Variants in ASCC1 observed in about 807,000 individuals in gnomAD.
ASCC1 encodes activating signal cointegrator 1 complex subunit 1, also known as ASC-1 complex subunit P50.
A neutral mutation model predicts 46.6 loss-of-function variants in ASCC1; 35 were observed. The ratio of observed to expected loss-of-function variants is 0.75; its 90% CI spans 0.57 to 0.99. ASCC1 has a LOEUF of 0.99. Among genes scored for constraint, ASCC1 ranks in the 50% least tolerant of loss-of-function variants. The pLI is 0.00. For synonymous variants in ASCC1, 143 were observed against 146.6 expected (o/e 0.98, Z 0.18); for missense variants, 376 against 428.7 (o/e 0.88, Z 1.09).
At position 72,116,866 on chromosome 10, in the gene ASCC1, G is replaced by A. The variant is rs148085950; in HGVS notation, c.957+11216C>T. Among the ~76,000 whole-genome samples, 9 of 152,308 alleles carry A rather than the reference G, an allele frequency of 5.9e-5. No individual in the cohort carries two copies. The East Asian group carries it at 1.7e-3, about 29-fold the overall frequency. ...CCTAGCACTTGGGAGGCCAAGACAG[G>A]AGGATCACTTAAGCTCAGAAGTTCA... On this transcript the variant is annotated intron_variant, in intron 9 of 9. Transcript: ENST00000672957.
chr10:72,098,312 G>C (rs1230488742), intron 9 of ASCC1, among the ~76,000 whole-genome samples: 2 of 152,222 alleles, frequency 1.3e-5, no homozygotes, highest in Admixed American at 1.3e-4. Flanking sequence ...TCCTCTGTTA[G>C]GATGTAGGAA....
intron 6 of ASCC1, among the ~76,000 whole-genome samples, chr10:72,160,028 C>CT (rs1425126177): frequency 2.0e-5 from 3 of 151,910 alleles, no homozygotes; most frequent in Non-Finnish European, 4.4e-5. Context: ...CCTCAGCCTC[C>CT]TGAGTAGCTG....
intron 7 of ASCC1, among the ~76,000 whole-genome samples, chr10:72,147,106 A>G (rs973342763): frequency 6.6e-6 from 1 of 150,774 alleles, no homozygotes; most frequent in Admixed American, 6.7e-5. Flanking sequence ...AGGGGAATTT[A>G]CAAATCTTTT....
At chr10:72,111,084 TC>T (rs1405911643) in intron 9 of ASCC1, among the ~76,000 whole-genome samples, 1 of 152,136 alleles carries the variant, frequency 6.6e-6, no homozygotes, top group African/African-American at 2.4e-5. Flanking sequence ...TGGCCCTCCT[TC>T]CCCTCTGCAA....
intron 5 of ASCC1, among the ~76,000 whole-genome samples, chr10:72,168,206 T>TAAATA (rs1053894407): frequency 4.6e-5 from 7 of 151,518 alleles, no homozygotes; most frequent in African/African-American, 1.7e-4. Context: ...AATAAATAAA[T>TAAATA]AAATAAAATA....
chr10:72,120,053 A>G (rs943056976), intron 9 of ASCC1, among the ~76,000 whole-genome samples: 1 of 152,168 alleles, frequency 6.6e-6, no homozygotes, highest in Non-Finnish European at 1.5e-5. Flanking sequence ...CCTGGCCAAC[A>G]TGGTGAAATC....
chr10:72,146,484 G>C (rs757751476), intron 7 of ASCC1, among the ~76,000 whole-genome samples: 16 of 152,202 alleles, frequency 1.1e-4, no homozygotes, highest in South Asian at 2.1e-4. Context: ...GATAGGAAAA[G>C]GAGGAAGTTG....
chr10:72,192,340 A>G lies in ASCC1; in HGVS notation c.489+4471T>C, dbSNP rs148623922. ...CATGGTGATGCATGCCTGTAATCCC[A>G]GCTACTTGGGAAGCTGTGCCAGAAG... is the stretch of plus-strand genomic sequence containing the variant. On this transcript the variant is annotated intron_variant, in intron 5 of 9. Transcript: ENST00000672957. 7.5e-3 allele frequency among the ~76,000 whole-genome samples: 1,135 copies of G among 152,122 alleles called. 10 individuals carry two copies. Among genetic ancestry groups the G allele is most frequent in the African/African-American group, 0.026 (1,073 of 41,468 alleles).
At chr10:72,151,434 T>G (rs938981422) in intron 7 of ASCC1, among the ~76,000 whole-genome samples, 19 of 143,782 alleles carry the variant, frequency 1.3e-4, no homozygotes, top group Non-Finnish European at 2.4e-4. Context: ...ATCACACACC[T>G]GGACCTGTTG....
chr10:72,190,544 C>G, intron 5 of ASCC1: 1 of 1,480,618 alleles, frequency 6.8e-7, no homozygotes, highest in Non-Finnish European at 9.3e-7. Context: ...TTGGAGAAGG[C>G]GCAATACTCT....
chr10:72,160,782 A>T lies in ASCC1; in HGVS notation c.626+756T>A, dbSNP rs988379777. Among the ~76,000 whole-genome samples the T allele has an allele frequency of 5.3e-3, 527 of 99,598 alleles. 4 individuals carry two copies. Among genetic ancestry groups the T allele is most frequent in the African/African-American group, 0.04 (495 of 12,266 alleles). 65.3% of individuals were successfully genotyped at this position (99,598 alleles called of 152,430 possible). A position where few individuals can be genotyped will look rare whatever the true frequency, so the allele number is the denominator to read the frequency against. ...TGAATCAAATAAAATTATTTGTATT[A>T]AAAAAAAAAAAAAAAAAGAGGCCGG... On this transcript the variant is annotated intron_variant, in intron 6 of 9. Transcript: ENST00000672957.
At chr10:72,207,957 A>T (rs1483227588) in intron 3 of ASCC1, among the ~76,000 whole-genome samples, 1 of 151,764 alleles carries the variant, frequency 6.6e-6, no homozygotes. Context: ...GACTACAAGC[A>T]CTCACTACCA....
At chr10:72,199,290 ATT>A (rs755710978) in intron 4 of ASCC1, among the ~76,000 whole-genome samples, 5 of 121,186 alleles carry the variant, frequency 4.1e-5, no homozygotes, top group African/African-American at 1.2e-4. Flanking sequence ...CACCCAGCTA[ATT>A]TTTTTTTTTT....
intron 5 of ASCC1, among the ~76,000 whole-genome samples, chr10:72,170,868 A>AAAAATTTCTCAAAAAAAAATTTT (rs1564690436): frequency 6.6e-6 from 1 of 152,154 alleles, no homozygotes; most frequent in Non-Finnish European, 1.5e-5. Context: ...TGCCAGACAC[A>AAAAATTTCTCAAAAAAAAATTTT]GTGGTGCACG....
intron 9 of ASCC1, among the ~76,000 whole-genome samples, chr10:72,120,454 C>T (rs1365053923): frequency 2.0e-5 from 3 of 151,160 alleles, no homozygotes; most frequent in Non-Finnish European, 2.9e-5. Context: ...AAGGTGCACA[C>T]AATGCAAATA....
At chr10:72,141,238 C>T (rs1467014358) in intron 7 of ASCC1, among the ~76,000 whole-genome samples, 3 of 152,220 alleles carry the variant, frequency 2.0e-5, no homozygotes, top group African/African-American at 4.8e-5. Flanking sequence ...TCTCTCTTCC[C>T]ACTTTTGAGA....
intron 7 of ASCC1, among the ~76,000 whole-genome samples, chr10:72,141,036 T>TATAGACAGATAGATAG (rs1554829948): frequency 1.5e-4 from 22 of 144,276 alleles, no homozygotes; most frequent in African/African-American, 5.7e-4. Flanking sequence ...TCAAATTGTT[T>TATAGACAGATAGATAG]ATAGATAGAT....
intron 4 of ASCC1, 92 bp from the exon 5 acceptor site, chr10:72,197,081 A>C: frequency 8.1e-7 from 1 of 1,241,518 alleles, no homozygotes; most frequent in Non-Finnish European, 1.2e-6. Flanking sequence ...GAGGAGCTAA[A>C]GCAGTTCTGA....
intron 5 of ASCC1, among the ~76,000 whole-genome samples, chr10:72,166,133 T>A (rs1321398916): frequency 6.6e-6 from 1 of 152,142 alleles, no homozygotes; most frequent in Admixed American, 6.5e-5. Flanking sequence ...CAATATTATA[T>A]ACATAGCCTT....
Sources: allele counts gnomAD v4.1 joint callset (sites outside exome capture counted in the v4.1 genomes callset), GRCh38; gene constraint gnomAD v4.1.1; transcripts MANE v1.5; gene names NCBI Gene and HGNC (gene_info 2026-07-23, HGNC 2026-07-21).